Variants in PCDH11Y observed in about 807,000 individuals in gnomAD.
PCDH11Y encodes protocadherin-11 Y-linked.
For missense variants in PCDH11Y, 12 were observed against 224.8 expected (o/e 0.05, Z 6.05); for synonymous variants, 9 against 83.6 (o/e 0.11, Z 4.87).
intron 2 of PCDH11Y, among the ~76,000 whole-genome samples, chrY:5,490,750 G>T: frequency 3.0e-5 from 1 of 33,765 alleles, no homozygotes; most frequent in African/African-American, 1.2e-4. Flanking sequence ...GGCCCAGCTG[G>T]GACTGCTGCC....
chrY:5,348,801 C>T, intron 2 of PCDH11Y, among the ~76,000 whole-genome samples: 1 of 32,473 alleles, frequency 3.1e-5, no homozygotes, highest in Non-Finnish European at 7.5e-5. Context: ...TCAGGTGCCA[C>T]GGGAGCCAAG....
At chrY:5,080,529 C>T in intron 1 of PCDH11Y, among the ~76,000 whole-genome samples, 1 of 32,247 alleles carries the variant, frequency 3.1e-5, no homozygotes. Context: ...ACAGCCTGGC[C>T]GGAATCTGTA....
At chrY:5,455,965 C>T in intron 2 of PCDH11Y, among the ~76,000 whole-genome samples, 3 of 33,466 alleles carry the variant, frequency 9.0e-5, no homozygotes, top group African/African-American at 2.3e-4. Context: ...CAAGTGTGAT[C>T]GAATTAAACT....
downstream of PCDH11Y, among the ~76,000 whole-genome samples, chrY:5,102,158 G>T: frequency 3.1e-5 from 1 of 31,897 alleles, no homozygotes; most frequent in African/African-American, 1.2e-4. Flanking sequence ...CGCTGCAGTT[G>T]TTATTTCTAC....
chrY:5,085,845 T>C, intron 1 of PCDH11Y, among the ~76,000 whole-genome samples: 1 of 26,977 alleles, frequency 3.7e-5, no homozygotes, highest in African/African-American at 1.5e-4. Context: ...TAGGATCCTT[T>C]CTATATCATT....
chrY:5,159,458 G>A (rs2124644289), intron 2 of PCDH11Y, among the ~76,000 whole-genome samples: 1 of 29,040 alleles, frequency 3.4e-5, no homozygotes, highest in South Asian at 8.3e-4. Flanking sequence ...ACTTTAGAGA[G>A]AATAGATTGT....
intron 4 of PCDH11Y, among the ~76,000 whole-genome samples, chrY:5,586,351 T>G: frequency 3.1e-5 from 1 of 32,404 alleles, no homozygotes; most frequent in Non-Finnish European, 7.6e-5. Context: ...TATTTTATTC[T>G]TTTTGTGGCA....
At chrY:5,136,928 C>G (rs2124641878) in intron 2 of PCDH11Y, among the ~76,000 whole-genome samples, 3 of 33,119 alleles carry the variant, frequency 9.1e-5, no homozygotes, top group Non-Finnish European at 1.5e-4. Context: ...GGTAACTTCC[C>G]TGGTCTTGCT....
At chrY:5,251,364 G>A in intron 2 of PCDH11Y, among the ~76,000 whole-genome samples, 2 of 14,004 alleles carry the variant, frequency 1.4e-4, no homozygotes, top group African/African-American at 2.6e-4. Context: ...GATGAACATA[G>A]TTATTACCTG....
chrY:5,091,977 C>T, intron 1 of PCDH11Y, among the ~76,000 whole-genome samples: 2 of 32,688 alleles, frequency 6.1e-5, no homozygotes, highest in Admixed American at 5.6e-4. Flanking sequence ...ATAGGTTTTG[C>T]TAAGTCCTAG....
intron 2 of PCDH11Y, among the ~76,000 whole-genome samples, chrY:5,322,074 C>T: frequency 6.3e-5 from 2 of 31,922 alleles, no homozygotes; most frequent in African/African-American, 1.2e-4. Flanking sequence ...TTTTCATTTC[C>T]TTTCTAAGTC....
intron 3 of PCDH11Y, among the ~76,000 whole-genome samples, chrY:5,562,760 T>A (rs2053430221): frequency 1.0e-4 from 1 of 9,822 alleles, no homozygotes; most frequent in Admixed American, 1.4e-3. Flanking sequence ...AGAGCGAGAC[T>A]CCGTCTCAAA....
At chrY:5,219,130 G>T in intron 2 of PCDH11Y, among the ~76,000 whole-genome samples, 3 of 33,888 alleles carry the variant, frequency 8.9e-5, no homozygotes, top group Admixed American at 5.4e-4. Context: ...GGACACTTAG[G>T]TTGCTTCCAT....
intron 1 of PCDH11Y, among the ~76,000 whole-genome samples, chrY:5,094,548 G>C (rs2052747550): frequency 1.4e-3 from 41 of 29,765 alleles, no homozygotes; most frequent in Non-Finnish European, 4.9e-4. Flanking sequence ...GAAAAATGGG[G>C]GTTATGCATG....
At chrY:5,246,090 C>T in intron 2 of PCDH11Y, among the ~76,000 whole-genome samples, 1 of 30,203 alleles carries the variant, frequency 3.3e-5, no homozygotes, top group African/African-American at 1.3e-4. Context: ...GTAAAAACAC[C>T]AAACCTACGA....
At chrY:5,039,803 T>G in intron 3 of PCDH11Y, among the ~76,000 whole-genome samples, 1 of 33,129 alleles carries the variant, frequency 3.0e-5, no homozygotes, top group Non-Finnish European at 7.4e-5. Context: ...CGCAAATGCA[T>G]GAAGAATTTT....
At chrY:5,482,200 T>C in intron 2 of PCDH11Y, among the ~76,000 whole-genome samples, 1 of 31,992 alleles carries the variant, frequency 3.1e-5, no homozygotes, top group Non-Finnish European at 7.6e-5. Context: ...GGTTTCACTA[T>C]GTTGGTCAGG....
At chrY:5,542,256 C>T (rs1602940765) in intron 3 of PCDH11Y, among the ~76,000 whole-genome samples, 218 of 32,822 alleles carry the variant, frequency 6.6e-3, no homozygotes, top group Admixed American at 0.017. Flanking sequence ...GCATAAATAG[C>T]CATTGGATTT....
chrY:5,715,457 T>C, intron 4 of PCDH11Y, among the ~76,000 whole-genome samples: 1 of 32,127 alleles, frequency 3.1e-5, no homozygotes, highest in South Asian at 7.0e-4. Flanking sequence ...GCAAAAAATA[T>C]ATCAGTGAGA....
Sources: allele counts gnomAD v4.1 joint callset (sites outside exome capture counted in the v4.1 genomes callset), GRCh38; gene constraint gnomAD v4.1.1; transcripts MANE v1.5; gene names NCBI Gene and HGNC (gene_info 2026-07-23, HGNC 2026-07-21).